Variants in ZBTB20 observed in about 807,000 individuals in gnomAD.
ZBTB20 encodes the protein zinc finger and BTB domain containing 20, also known as zinc finger and BTB domain-containing protein 20.
In ZBTB20, 9 loss-of-function variants were observed where a neutral mutation model predicts 56.9. The ratio of observed to expected loss-of-function variants is 0.16; its 90% confidence interval spans 0.10 to 0.28. The LOEUF is 0.28. ZBTB20 is among the 10% of genes least tolerant of loss of function. ZBTB20 has a pLI of 1.00. For synonymous variants in ZBTB20, 417 were observed against 420.7 expected, an observed-to-expected ratio of 0.99 and a Z score of 0.11; for missense variants, 655 against 1,003.0, an observed-to-expected ratio of 0.65 and a Z score of 4.69.
At chr3:114,867,784 G>C (rs907915422) in intron 4 of ZBTB20, among the ~76,000 whole-genome samples, 1 of 152,126 alleles carries the variant, frequency 6.6e-6, no homozygotes, top group African/African-American at 2.4e-5. Context: ...AACCATAGGG[G>C]CATAAAAAGA....
intron 6 of ZBTB20, among the ~76,000 whole-genome samples, chr3:114,622,276 C>T (rs3732478): frequency 0.16 from 24,145 of 151,640 alleles, 2,139 homozygotes; most frequent in Admixed American, 0.26. Flanking sequence ...TTTTTTATAA[C>T]GTATTGTAAA....
intron 5 of ZBTB20, among the ~76,000 whole-genome samples, chr3:114,791,433 A>C (rs1308588031): frequency 6.6e-6 from 1 of 152,148 alleles, no homozygotes; most frequent in Admixed American, 6.6e-5. Flanking sequence ...AGTGTAGGTT[A>C]ACTACTGAGC....
At chr3:114,642,606 T>C (rs2059619408) in intron 6 of ZBTB20, among the ~76,000 whole-genome samples, 1 of 152,022 alleles carries the variant, frequency 6.6e-6, no homozygotes, top group Admixed American at 6.6e-5. Flanking sequence ...CGATGTCTAG[T>C]TGAGATCAGA....
rs2079372313 is a variant in ZBTB20, at chr3:114,334,235, T to C, written c.*4770A>G. The C allele has an allele frequency of 6.6e-6, 1 of 152,260 alleles. No individual in the cohort carries two copies. Among genetic ancestry groups the C allele is most frequent in the Non-Finnish European group, 1.5e-5 (1 of 68,084 alleles). 9.4% of individuals were successfully genotyped at this position (152,260 alleles called of 1,614,324 possible). A position where few individuals can be genotyped will look rare whatever the true frequency, so the allele number is the denominator to read the frequency against. The stretch of plus-strand genomic sequence containing the variant: ...AGAGGAAAGCTCCAGAATGGGTGTA[T>C]ATCCTGTGACTCCTGGCCAGATCCA... On this transcript the variant is annotated 3_prime_UTR_variant, in exon 12 of 12. Coordinates refer to ENST00000675478, the MANE Select transcript of ZBTB20 (RefSeq NM_001348800.3).
rs1387840517 is a variant in ZBTB20 at position 114,325,638 on chromosome 3, T to G, written c.*13367A>C. ...TAGTGCTAACTTTCTCCGGTAACCTTGACAACTGGCTTTAGGAATCCAGAC... is the reference window on the plus strand; with the variant it reads ...TAGTGCTAACTTTCTCCGGTAACCTGGACAACTGGCTTTAGGAATCCAGAC... On this transcript the variant is annotated 3_prime_UTR_variant, in exon 12 of 12. Coordinates refer to ENST00000675478, the MANE Select transcript of ZBTB20 (RefSeq NM_001348800.3). 5 of 152,156 alleles carry G rather than the reference T, an allele frequency of 3.3e-5. No individual in the cohort carries two copies. Among genetic ancestry groups the G allele is most frequent in the African/African-American group, 1.2e-4 (5 of 41,434 alleles). 9.4% of individuals were successfully genotyped at this position (152,156 alleles called of 1,614,324 possible).
At chr3:114,576,866 T>G (rs1300009034) in intron 6 of ZBTB20, among the ~76,000 whole-genome samples, 1 of 151,868 alleles carries the variant, frequency 6.6e-6, no homozygotes, top group East Asian at 1.9e-4. Flanking sequence ...ATAAAAAAGA[T>G]TTATGAGATA....
chr3:114,527,897 G>C (rs2047413082), intron 6 of ZBTB20, among the ~76,000 whole-genome samples: 1 of 151,982 alleles, frequency 6.6e-6, no homozygotes, highest in Non-Finnish European at 1.5e-5. Flanking sequence ...TCTTTTACTA[G>C]GATGGGAGAC....
chr3:114,602,109 T>A (rs188164792), intron 6 of ZBTB20, among the ~76,000 whole-genome samples: 1 of 152,128 alleles, frequency 6.6e-6, no homozygotes, highest in East Asian at 1.9e-4. Context: ...TCTATTGAAG[T>A]TAATCATCTC....
intron 7 of ZBTB20, among the ~76,000 whole-genome samples, chr3:114,428,575 G>C (rs1191650562): frequency 6.6e-6 from 1 of 152,180 alleles, no homozygotes; most frequent in African/African-American, 2.4e-5. Flanking sequence ...CCACCATGTT[G>C]AGTCCCAGTG....
chr3:114,838,760 C>T (rs903267205), intron 4 of ZBTB20, among the ~76,000 whole-genome samples: 1 of 151,676 alleles, frequency 6.6e-6, no homozygotes, highest in African/African-American at 2.4e-5. Context: ...TAATGCCTGC[C>T]TTGGAAGGTA....
In ZBTB20 at chr3:114,380,372, G is replaced by A; in HGVS notation, c.44C>T (p.Ala15Val). The A allele has an allele frequency of 6.5e-7, 1 of 1,536,342 alleles. No individual in the cohort carries two copies. The highest frequency in any genetic ancestry group is 8.7e-7 in the Non-Finnish European group (1 of 1,146,422). Reference protein sequence around the residue: ...KKPKTAENQKASEENEITQPG... With the variant: ...KKPKTAENQKVSEENEITQPG... ...CTGAGTAATCTCATTCTCCTCAGAT[G>A]CCTTCTGGTTTTCAGCTGTCTTGGG... Residue 15 changes from alanine to valine, a missense_variant, in exon 10 of 12, where the codon GCA becomes GTA. By Grantham distance (64) the Ala-to-Val change is moderately conservative. Transcript: ENST00000675478.
intron 6 of ZBTB20, among the ~76,000 whole-genome samples, chr3:114,654,521 C>T (rs1011565996): frequency 4.0e-5 from 6 of 151,888 alleles, no homozygotes; most frequent in African/African-American, 1.4e-4. Context: ...GTTTGAAACT[C>T]ATTTGATGAA....
chr3:114,915,037 C>T (rs895639474), intron 3 of ZBTB20, among the ~76,000 whole-genome samples: 2 of 142,924 alleles, frequency 1.4e-5, no homozygotes, highest in Non-Finnish European at 3.1e-5. Flanking sequence ...GTTTTCTTTT[C>T]TTTTTTTTTT....
chr3:114,831,153 T>C (rs142633604), intron 4 of ZBTB20, among the ~76,000 whole-genome samples: 610 of 150,322 alleles, frequency 4.1e-3, no homozygotes, highest in Non-Finnish European at 7.1e-3. Flanking sequence ...ATATAATGGG[T>C]TTATCCGCTA....
chr3:114,427,023 C>T (rs1230015920), intron 7 of ZBTB20, among the ~76,000 whole-genome samples: 13 of 152,152 alleles, frequency 8.5e-5, no homozygotes, highest in Middle Eastern at 6.8e-3. Context: ...ATCTGTCAAC[C>T]GCTATGCACA....
At chr3:115,071,805 A>G (rs530206165) in intron 1 of ZBTB20, among the ~76,000 whole-genome samples, 32 of 152,274 alleles carry the variant, frequency 2.1e-4, no homozygotes, top group Non-Finnish European at 3.2e-4. Flanking sequence ...CAGGCAGCCT[A>G]TTGAAACTAA....
chr3:114,512,787 G>A (rs948864586), intron 6 of ZBTB20, among the ~76,000 whole-genome samples: 1 of 152,070 alleles, frequency 6.6e-6, no homozygotes, highest in Admixed American at 6.6e-5. Context: ...TTTTGAAAGA[G>A]GGAATGGAGC....
chr3:114,577,127 AAT>A (rs1291163941), intron 6 of ZBTB20, among the ~76,000 whole-genome samples: 1 of 152,122 alleles, frequency 6.6e-6, no homozygotes, highest in East Asian at 1.9e-4. Context: ...TGGAAATAAG[AAT>A]AACTGAACGT....
At chr3:114,544,938 T>C (rs1349030095) in intron 6 of ZBTB20, among the ~76,000 whole-genome samples, 1 of 152,162 alleles carries the variant, frequency 6.6e-6, no homozygotes, top group Non-Finnish European at 1.5e-5. Flanking sequence ...ACTCCAACAA[T>C]AAATCTAGAA....
Sources: gnomAD v4.1 joint callset for allele counts (sites outside exome capture counted in the v4.1 genomes callset) on GRCh38, gnomAD v4.1.1 for gene constraint, MANE v1.5 for transcripts, NCBI Gene and HGNC (gene_info 2026-07-23, HGNC 2026-07-21) for gene names.